The following TMC1 variants were observed in gnomAD, a reference collection of about 807,000 sequenced individuals.
TMC1 encodes transmembrane channel like 1, also known as transmembrane channel-like protein 1.
A neutral mutation model predicts 105.8 loss-of-function variants in TMC1; 84 were observed. That is an observed-to-expected ratio of 0.79 (90% CI 0.67 to 0.95). The LOEUF is 0.95. TMC1 is among the 40% of genes least tolerant of loss of function. TMC1 has a pLI of 0.00. For missense variants in TMC1, 817 were observed against 914.1 expected (o/e 0.89, Z 1.37); for synonymous variants, 315 against 311.5 (o/e 1.01, Z -0.12).
In TMC1 at chr9:72,724,063, G is replaced by C. The variant is rs190818043; in HGVS notation, c.363-16056G>C. Among the ~76,000 whole-genome samples the C allele has an allele frequency of 1.1e-4, 17 of 152,300 alleles. No homozygotes were observed. In the East Asian group the frequency reaches 3.1e-3, roughly 28 times the overall value. The stretch of plus-strand genomic sequence containing the variant: ...TCATTGGAAAAAATGGGTCTAAAAT[G>C]ATAATATTCAAAGATGTTTTCCAAT... On this transcript the variant is annotated intron_variant, in intron 8 of 23. Transcript: ENST00000297784.
chr9:72,794,600 A>G (rs936611241), intron 17 of TMC1, among the ~76,000 whole-genome samples: 1 of 152,174 alleles, frequency 6.6e-6, no homozygotes, highest in Non-Finnish European at 1.5e-5. Flanking sequence ...GCCCAATGAA[A>G]ACTTCCAGGA....
chr9:72,700,543 G>T lies in TMC1; in HGVS notation c.262G>T (p.Glu88Ter). ...GAEEEEIDEE[E>*]LERLKAELDE... ...AGAAGAAGAAGAAATTGATGAAGAGGAATTGGAAAGATTGAAGGCAGAGTT... is the reference window on the plus strand; with the variant it reads ...AGAAGAAGAAGAAATTGATGAAGAGTAATTGGAAAGATTGAAGGCAGAGTT... Residue 88 changes from glutamate (E) to a stop codon, truncating the protein, a stop_gained, in exon 8 of 24, where the codon GAA becomes TAA. Transcript: ENST00000297784. LOFTEE classifies it high-confidence loss of function. 1 of 1,598,612 alleles carries T rather than the reference G, an allele frequency of 6.3e-7. No individual in the cohort carries two copies. Among genetic ancestry groups the T allele is most frequent in the South Asian group, 1.1e-5 (1 of 90,120 alleles).
At chr9:72,747,075 A>G (rs1179385640) in intron 10 of TMC1, among the ~76,000 whole-genome samples, 1 of 152,222 alleles carries the variant, frequency 6.6e-6, no homozygotes, top group Non-Finnish European at 1.5e-5. Flanking sequence ...CTCAGGATCA[A>G]AATCTACTTT....
intron 23 of TMC1, among the ~76,000 whole-genome samples, chr9:72,833,542 CT>C (rs1829075202): frequency 6.6e-6 from 1 of 152,078 alleles, no homozygotes; most frequent in Non-Finnish European, 1.5e-5. Flanking sequence ...GTTTTGGATA[CT>C]GTGTTTTCCA....
intron 8 of TMC1, among the ~76,000 whole-genome samples, chr9:72,714,719 A>C (rs536110579): frequency 7.9e-5 from 12 of 152,158 alleles, no homozygotes; most frequent in African/African-American, 2.4e-4. Flanking sequence ...CTCTTAATCC[A>C]ATTTGCCAGT....
chr9:72,816,802 T>G (rs1350963733), intron 19 of TMC1, among the ~76,000 whole-genome samples: 1 of 152,160 alleles, frequency 6.6e-6, no homozygotes, highest in African/African-American at 2.4e-5. Flanking sequence ...TTTATCAAAT[T>G]AGAGCATTCT....
At chr9:72,772,679 G>A (rs1827950012) in intron 13 of TMC1, 124 bp downstream of exon 13, 5 of 1,305,016 alleles carry the variant, frequency 3.8e-6, no homozygotes, top group Non-Finnish European at 5.5e-6. Context: ...GTCTGTAAGA[G>A]ATGAAATGTA....
intron 3 of TMC1, among the ~76,000 whole-genome samples, chr9:72,626,775 A>G (rs1825354939): frequency 6.6e-6 from 1 of 152,182 alleles, no homozygotes; most frequent in African/African-American, 2.4e-5. Flanking sequence ...ACCAGAATGC[A>G]GTGGGGTAAG....
intron 2 of TMC1, among the ~76,000 whole-genome samples, chr9:72,609,122 A>G (rs1824977749): frequency 7.4e-6 from 1 of 135,396 alleles, no homozygotes; most frequent in Admixed American, 7.3e-5. Flanking sequence ...CTCTCTTCCT[A>G]CCTCCCTTTC....
intron 5 of TMC1, among the ~76,000 whole-genome samples, chr9:72,657,684 A>G (rs1275362419): frequency 6.6e-6 from 1 of 152,190 alleles, no homozygotes; most frequent in Non-Finnish European, 1.5e-5. Flanking sequence ...TAATCGGAAA[A>G]GATAGATGAA....
At chr9:72,676,983 A>T (rs1317824776) in intron 5 of TMC1, among the ~76,000 whole-genome samples, 1 of 152,018 alleles carries the variant, frequency 6.6e-6, no homozygotes, top group Non-Finnish European at 1.5e-5. Context: ...TTTCTCTCTC[A>T]TAGGTCTTTT....
chr9:72,791,833 A>G (rs1309288679), intron 15 of TMC1, 53 bp from the exon 16 acceptor site: 4 of 1,521,570 alleles, frequency 2.6e-6, no homozygotes, highest in South Asian at 1.1e-5. Context: ...GGCAAAAAGC[A>G]ATAATAACTT....
intron 8 of TMC1, among the ~76,000 whole-genome samples, chr9:72,735,602 G>C (rs535236241): frequency 6.6e-6 from 1 of 152,242 alleles, no homozygotes; most frequent in East Asian, 1.9e-4. Flanking sequence ...TTCTGGTTAA[G>C]AAATACGTTA....
At chr9:72,765,798 T>C (rs1315517125) in intron 12 of TMC1, among the ~76,000 whole-genome samples, 1 of 152,168 alleles carries the variant, frequency 6.6e-6, no homozygotes, top group Non-Finnish European at 1.5e-5. Flanking sequence ...ATGCTTCCTA[T>C]GAGACATGCA....
chr9:72,707,783 C>T (rs1436869461), intron 8 of TMC1, among the ~76,000 whole-genome samples: 1 of 151,972 alleles, frequency 6.6e-6, no homozygotes, highest in Non-Finnish European at 1.5e-5. Flanking sequence ...ACTTATTTAT[C>T]TTTGTTTTTG....
chr9:72,679,644 G>C (rs541930936), intron 5 of TMC1, among the ~76,000 whole-genome samples: 34 of 152,200 alleles, frequency 2.2e-4, no homozygotes, highest in African/African-American at 7.2e-4. Flanking sequence ...TCCATTTGCT[G>C]TGTCTCCATA....
intron 4 of TMC1, among the ~76,000 whole-genome samples, chr9:72,636,466 G>A (rs1825535543): frequency 6.6e-6 from 1 of 152,094 alleles, no homozygotes; most frequent in African/African-American, 2.4e-5. Context: ...GGAGGCTGAG[G>A]CGGGAGGATC....
At position 72,576,778 on chromosome 9, in the gene TMC1, G is replaced by A. The variant is rs772984728; in HGVS notation, c.-427-1124G>A. Among the ~76,000 whole-genome samples, 5 of 151,910 alleles carry A rather than the reference G, an allele frequency of 3.3e-5. No homozygotes were observed. The East Asian group carries it at 5.8e-4, about 18-fold the overall frequency. ...CGAGTATCTGGGATTGCAGGCATGCGCCACCACACCCAGCTAATTTTTTTG... is the reference window on the plus strand; with the variant it reads ...CGAGTATCTGGGATTGCAGGCATGCACCACCACACCCAGCTAATTTTTTTG... On this transcript the variant is annotated intron_variant, in intron 1 of 23. Transcript: ENST00000297784.
chr9:72,835,831 C>T (rs13295527), intron 23 of TMC1, 120 bp from the exon 24 acceptor site: 1 of 1,090,646 alleles, frequency 9.2e-7, no homozygotes. Flanking sequence ...ATACAGATTT[C>T]TGGCCACCTC....
Sources: gnomAD v4.1 joint callset for allele counts (sites outside exome capture counted in the v4.1 genomes callset) on GRCh38, gnomAD v4.1.1 for gene constraint, MANE v1.5 for transcripts, NCBI Gene and HGNC (gene_info 2026-07-23, HGNC 2026-07-21) for gene names.